The following METTL5 variants were observed in gnomAD, a reference collection of about 807,000 sequenced individuals.
METTL5 encodes the protein rRNA N(6)-adenosine-methyltransferase METTL5.
In METTL5, 28 loss-of-function variants were observed where a neutral mutation model predicts 26.5. The ratio of observed to expected loss-of-function variants is 1.06; its 90% CI spans 0.78 to 1.45. METTL5 has a LOEUF of 1.45. METTL5 is among the 40% of genes most tolerant of loss of function. METTL5 has a pLI of 0.00. For synonymous variants in METTL5, 86 were observed against 82.6 expected, an observed-to-expected ratio of 1.04 and a Z score of -0.22; for missense variants, 231 against 249.9, an observed-to-expected ratio of 0.92 and a Z score of 0.51.
In METTL5 at chr2:169,822,003, A is replaced by G; in HGVS notation, c.164T>C (p.Val55Ala). The G allele has an allele frequency of 6.2e-7, 1 of 1,613,598 alleles. No homozygotes were observed. The highest frequency in any genetic ancestry group is 8.5e-7 in the Non-Finnish European group (1 of 1,179,978). ...NTYDDIENKV[V>A]ADLGCGCGVL... ...TCCACAACCACATCCTAGATCTGCA[A>G]CGACTTTATTTTCAATGTCATCATA... The change falls in exon 2 of 7, where the codon GTT (valine) becomes GCT (alanine). Residue 55 changes from valine (V) to alanine (A), a missense_variant. By Grantham distance (64) the Val-to-Ala change is moderately conservative. Coordinates refer to ENST00000260953, the MANE Select transcript of METTL5 (RefSeq NM_014168.4).
At chr2:169,812,535 A>G (rs781160007) in intron 5 of METTL5, 29 bp from the exon 6 acceptor site, 8 of 1,609,736 alleles carry the variant, frequency 5.0e-6, no homozygotes, top group Non-Finnish European at 6.8e-6. Context: ...CTAAGGATAA[A>G]ATTGTATTTC....
intron 1 of METTL5, among the ~76,000 whole-genome samples, chr2:169,823,746 T>C (rs1189733707): frequency 6.6e-6 from 1 of 152,144 alleles, no homozygotes; most frequent in Non-Finnish European, 1.5e-5. Flanking sequence ...ACTTGAGTCC[T>C]GGAGGTCAAG....
chr2:169,824,834 C>T lies in METTL5; in HGVS notation c.-237G>A. 1 of 419,918 alleles carries T rather than the reference C, an allele frequency of 2.4e-6. No homozygotes were observed. Among genetic ancestry groups the T allele is most frequent in the East Asian group, 4.2e-5 (1 of 23,588 alleles). The allele number at this position is 419,918 out of a possible 1,614,324, so 26.0% of individuals were successfully genotyped here. ...AGACGGCGGCGGCGCACTGCTGGAG[C>T]AGCCTCAGGATCCCTCGCGCCACGA... is the stretch of plus-strand genomic sequence containing the variant. On this transcript the variant is annotated 5_prime_UTR_variant, in exon 1 of 7. Coordinates refer to ENST00000260953, the MANE Select transcript of METTL5 (RefSeq NM_014168.4).
At chr2:169,820,421 T>C (rs2081568510) in intron 3 of METTL5, among the ~76,000 whole-genome samples, 1 of 152,236 alleles carries the variant, frequency 6.6e-6, no homozygotes, top group Non-Finnish European at 1.5e-5. Context: ...TAAAATTCTT[T>C]CTATGTTTCG....
intron 1 of METTL5, among the ~76,000 whole-genome samples, chr2:169,822,325 G>A (rs952109260): frequency 3.0e-4 from 46 of 150,994 alleles, no homozygotes; most frequent in Non-Finnish European, 6.2e-4. Context: ...AGTCTCTGAG[G>A]TAAAATAAAA....
intron 5 of METTL5, chr2:169,812,925 A>G: frequency 6.4e-6 from 1 of 155,376 alleles, no homozygotes; most frequent in South Asian, 2.0e-4. Context: ...CTAAAACGAA[A>G]ACCAGTTTTT....
In METTL5 at chr2:169,815,460, A is replaced by C. The variant is rs1185026709; in HGVS notation, c.541+17T>G. The C allele has an allele frequency of 1.6e-5, 25 of 1,576,754 alleles. No individual in the cohort carries two copies. Among genetic ancestry groups the C allele is most frequent in the Non-Finnish European group, 2.1e-5 (24 of 1,153,428 alleles). On this transcript the variant is annotated intron_variant, in intron 5 of 6. Coordinates refer to ENST00000260953, the MANE Select transcript of METTL5 (RefSeq NM_014168.4). Reference sequence around the variant, plus strand: ...CATGTTGGCCCTTTTGGATATTAGGATTGAGATTTGTCTTACCTGCTATAA... The same window carrying C: ...CATGTTGGCCCTTTTGGATATTAGGCTTGAGATTTGTCTTACCTGCTATAA...
rs775821085 is a variant in METTL5, at chr2:169,822,045, T to C, written c.122A>G (p.Tyr41Cys). 3.7e-6 allele frequency: 6 copies of C among 1,609,622 alleles called. No individual in the cohort carries two copies. The African/African-American group carries it at 4.0e-5, about 11-fold the overall frequency. Residue 41 changes from tyrosine to cysteine, a missense_variant, in exon 2 of 7, where the codon TAT (tyrosine) becomes TGT (cysteine). Transcript: ENST00000260953. ...TRPHIAACML[Y>C]TIHNTYDDIE... The stretch of plus-strand genomic sequence containing the variant: ...GTCATCATAAGTGTTATGGATTGTA[T>C]AGAGCATACATGCTAAAAAATAAAA...
intron 4 of METTL5, among the ~76,000 whole-genome samples, chr2:169,818,668 A>G (rs1352587092): frequency 1.3e-5 from 2 of 152,170 alleles, no homozygotes; most frequent in Non-Finnish European, 2.9e-5. Context: ...ATTATTTCCA[A>G]CTGGGTTCTT....
At chr2:169,821,682 A>G (rs2081587266) in intron 2 of METTL5, among the ~76,000 whole-genome samples, 2 of 152,332 alleles carry the variant, frequency 1.3e-5, no homozygotes, top group Admixed American at 6.5e-5. Flanking sequence ...CACTGTGCCC[A>G]GTCAAGTGTA....
At chr2:169,824,267 T>G in intron 1 of METTL5, 1 of 490,268 alleles carries the variant, frequency 2.0e-6, no homozygotes, top group Non-Finnish European at 3.7e-6. Flanking sequence ...TCTGGCAGTG[T>G]TAAGGGATAT....
At chr2:169,820,415 ATTCT>A (rs1340864015) in intron 3 of METTL5, among the ~76,000 whole-genome samples, 3 of 152,192 alleles carry the variant, frequency 2.0e-5, no homozygotes, top group Admixed American at 6.5e-5. Flanking sequence ...AAAGTATAAA[ATTCT>A]TTCTATGTTT....
intron 5 of METTL5, chr2:169,812,792 T>C: frequency 3.8e-6 from 1 of 266,334 alleles, no homozygotes; most frequent in Non-Finnish European, 7.0e-6. Context: ...AAAATGATGG[T>C]ACCTTTCTAT....
Position 169,821,267 on chromosome 2 carries a change from A to T in METTL5, c.231T>A (p.Cys77Ter). 6.2e-7 allele frequency: 1 copy of T among 1,603,246 alleles called. No individual in the cohort carries two copies. Among genetic ancestry groups the T allele is most frequent in the Middle Eastern group, 1.7e-4 (1 of 6,016 alleles). Residue 77 changes from cysteine to a stop codon, truncating the protein, a stop_gained, in exon 3 of 7, where the codon TGT (cysteine) becomes TGA (stop). Coordinates refer to ENST00000260953, the MANE Select transcript of METTL5 (RefSeq NM_014168.4). LOFTEE classifies it high-confidence loss of function. The part of the protein sequence containing the change: ...IGTAMLGAGL[C>*]VGFDIDEDAL... ...CGTCTTCATCTATGTCAAATCCAAC[A>T]CACAACCTATAAATACAAAACACAT... is the stretch of plus-strand genomic sequence containing the variant.
chr2:169,813,734 C>T (rs1473095227), intron 5 of METTL5, among the ~76,000 whole-genome samples: 2 of 151,408 alleles, frequency 1.3e-5, no homozygotes, highest in Admixed American at 1.3e-4. Flanking sequence ...CGTGGTGGTG[C>T]GCCTGTAGTC....
At chr2:169,823,874 T>C (rs529170781) in intron 1 of METTL5, among the ~76,000 whole-genome samples, 1 of 152,182 alleles carries the variant, frequency 6.6e-6, no homozygotes, top group Non-Finnish European at 1.5e-5. Context: ...ATGACTTCGG[T>C]AACATAAATA....
In METTL5 at chr2:169,819,599, T is replaced by C; in HGVS notation, c.451A>G (p.Thr151Ala). 6.2e-7 allele frequency: 1 copy of C among 1,613,414 alleles called. No homozygotes were observed. Among genetic ancestry groups the C allele is most frequent in the Non-Finnish European group, 8.5e-7 (1 of 1,179,632 alleles). The change falls in exon 4 of 7, where the codon ACA becomes GCA. Residue 151 changes from threonine (T) to alanine (A), a missense_variant. Physicochemically the swap from Thr to Ala is moderately conservative, Grantham distance 58 (BLOSUM62 0). Transcript: ENST00000260953. ...FLKTALEMAR[T>A]AVYSLHKSST... ...GATTTGTGTAAGGAATATACTGCTG[T>C]TCTTGCCATTTCCAAAGCAGTCTTT...
Position 169,822,685 on chromosome 2 carries a change from C to T in METTL5, c.110-628G>A, listed in dbSNP as rs113674175. Among the ~76,000 whole-genome samples, 707 of 151,622 alleles carry T rather than the reference C, an allele frequency of 4.7e-3. 1 individual carries two copies. The highest frequency in any genetic ancestry group is 0.016 in the African/African-American group (645 of 41,318). The stretch of plus-strand genomic sequence containing the variant: ...GGCTCAAGTGATCCTCCCGCCCCGG[C>T]TTTCCAAAGTGTTGGGATTACAGAC... On this transcript the variant is annotated intron_variant, in intron 1 of 6. Transcript: ENST00000260953.
chr2:169,812,219 A>G (rs1573964884), intron 6 of METTL5: 2 of 635,840 alleles, frequency 3.1e-6, no homozygotes, highest in East Asian at 6.2e-5. Context: ...CACTAGAAAT[A>G]ATTACTTGTC....
Sources: allele counts gnomAD v4.1 joint callset (sites outside exome capture counted in the v4.1 genomes callset), GRCh38; gene constraint gnomAD v4.1.1; transcripts MANE v1.5; gene names NCBI Gene and HGNC (gene_info 2026-07-23, HGNC 2026-07-21).